The following TAFA5 variants were observed in gnomAD, a reference collection of about 807,000 sequenced individuals.
The protein encoded by TAFA5 is chemokine-like protein TAFA-5.
In TAFA5, 6 loss-of-function variants were observed where a neutral mutation model predicts 15.3. That is an observed-to-expected ratio of 0.39 (90% CI 0.21 to 0.77). The LOEUF is 0.77. TAFA5 is among the 30% of genes least tolerant of loss of function. The pLI is 0.41. For missense variants in TAFA5, 161 were observed against 193.1 expected, an observed-to-expected ratio of 0.83 and a Z score of 0.98; for synonymous variants, 103 against 80.7, an observed-to-expected ratio of 1.28 and a Z score of -1.48.
At chr22:48,625,086 G>A (rs1163261004) in intron 1 of TAFA5, among the ~76,000 whole-genome samples, 1 of 151,362 alleles carries the variant, frequency 6.6e-6, no homozygotes, top group Non-Finnish European at 1.5e-5. Context: ...CTGCACTCCA[G>A]CCTGGGAAAT....
chr22:48,565,124 C>G (rs375256757), intron 1 of TAFA5, among the ~76,000 whole-genome samples: 2 of 152,202 alleles, frequency 1.3e-5, no homozygotes, highest in Non-Finnish European at 2.9e-5. Context: ...GCCATGGTCA[C>G]GGCAGGCGGG....
intron 2 of TAFA5, among the ~76,000 whole-genome samples, chr22:48,700,732 C>T (rs899710964): frequency 2.0e-5 from 3 of 152,198 alleles, no homozygotes; most frequent in Admixed American, 1.3e-4. Flanking sequence ...TGTCTGGCAG[C>T]TCTGAGATCA....
At chr22:48,549,874 T>G (rs1385395281) in intron 1 of TAFA5, among the ~76,000 whole-genome samples, 5 of 152,218 alleles carry the variant, frequency 3.3e-5, no homozygotes, top group Non-Finnish European at 7.3e-5. Flanking sequence ...CCGCTAGCAG[T>G]GCCAGACGCC....
intron 1 of TAFA5, among the ~76,000 whole-genome samples, chr22:48,638,684 C>A (rs1477481638): frequency 7.0e-6 from 1 of 143,796 alleles, no homozygotes; most frequent in Non-Finnish European, 1.5e-5. Flanking sequence ...CAATACCACC[C>A]CCCTGGACAC....
intron 1 of TAFA5, among the ~76,000 whole-genome samples, chr22:48,568,235 C>T (rs1396327714): frequency 1.3e-5 from 2 of 152,254 alleles, no homozygotes; most frequent in South Asian, 2.1e-4. Context: ...CCCTGGCCTG[C>T]GCCTCCATCT....
chr22:48,504,167 G>C, intron 1 of TAFA5, among the ~76,000 whole-genome samples: 1 of 152,172 alleles, frequency 6.6e-6, no homozygotes, highest in Non-Finnish European at 1.5e-5. Flanking sequence ...GGCCATCCAG[G>C]TGACACTCCC....
chr22:48,691,031 A>C (rs1414747769), intron 2 of TAFA5, among the ~76,000 whole-genome samples: 1 of 152,062 alleles, frequency 6.6e-6, no homozygotes, highest in African/African-American at 2.4e-5. Context: ...AGCGCCGTCA[A>C]TCTCCAGTGG....
intron 1 of TAFA5, among the ~76,000 whole-genome samples, chr22:48,575,660 G>GGC (rs1377569197): frequency 2.1e-5 from 3 of 146,148 alleles, no homozygotes; most frequent in Non-Finnish European, 4.6e-5. Context: ...GGGGCGCGGT[G>GGC]GGCCCGGACC....
chr22:48,542,829 G>T (rs1431141435), intron 1 of TAFA5, among the ~76,000 whole-genome samples: 1 of 146,632 alleles, frequency 6.8e-6, no homozygotes, highest in South Asian at 2.2e-4. Flanking sequence ...TGTGTGTGTG[G>T]TGTGTATGTG....
intron 1 of TAFA5, among the ~76,000 whole-genome samples, chr22:48,570,829 AG>A (rs67483506): frequency 0.19 from 29,102 of 152,242 alleles, 3,191 homozygotes; most frequent in Admixed American, 0.26. Context: ...TATAGCAGAA[AG>A]AAGATTTCTG....
intron 2 of TAFA5, among the ~76,000 whole-genome samples, chr22:48,680,127 C>T (rs1011741146): frequency 2.0e-5 from 3 of 152,220 alleles, no homozygotes; most frequent in Non-Finnish European, 4.4e-5. Flanking sequence ...ATGGTCCCCC[C>T]ACCCTGTGTG....
chr22:48,667,637 A>G (rs1927662460), intron 2 of TAFA5, among the ~76,000 whole-genome samples: 1 of 152,010 alleles, frequency 6.6e-6, no homozygotes, highest in Non-Finnish European at 1.5e-5. Context: ...GGTTAATTCA[A>G]TTTCTCTTAT....
intron 2 of TAFA5, among the ~76,000 whole-genome samples, chr22:48,678,106 G>C (rs1300877964): frequency 6.6e-6 from 1 of 152,152 alleles, no homozygotes; most frequent in Non-Finnish European, 1.5e-5. Context: ...CCAGTTCCCT[G>C]GTCCTCCTGA....
chr22:48,716,498 T>G (rs918661852), intron 3 of TAFA5, among the ~76,000 whole-genome samples: 26 of 152,100 alleles, frequency 1.7e-4, no homozygotes, highest in African/African-American at 5.8e-4. Context: ...GAGGGGAACA[T>G]CACACACCAG....
intron 2 of TAFA5, among the ~76,000 whole-genome samples, chr22:48,679,864 A>G (rs1048721635): frequency 2.6e-5 from 4 of 151,926 alleles, no homozygotes; most frequent in African/African-American, 9.7e-5. Context: ...CTGCCCAAGC[A>G]CTCTCAGGGT....
At chr22:48,707,516 G>T (rs1203096598) in intron 2 of TAFA5, among the ~76,000 whole-genome samples, 1 of 152,150 alleles carries the variant, frequency 6.6e-6, no homozygotes, top group Non-Finnish European at 1.5e-5. Context: ...GCGGGACTTG[G>T]GGAGCAAGCA....
At chr22:48,534,740 G>T (rs1350861664) in intron 1 of TAFA5, among the ~76,000 whole-genome samples, 2 of 152,192 alleles carry the variant, frequency 1.3e-5, no homozygotes, top group African/African-American at 2.4e-5. Context: ...GGAGGGGGAG[G>T]CCCGGCTCTC....
intron 2 of TAFA5, among the ~76,000 whole-genome samples, chr22:48,653,250 T>C (rs1267815050): frequency 6.6e-6 from 1 of 152,212 alleles, no homozygotes; most frequent in Non-Finnish European, 1.5e-5. Flanking sequence ...CAGATGGGGT[T>C]GGAGATGCCC....
chr22:48,610,665 G>C (rs1449561211), intron 1 of TAFA5, among the ~76,000 whole-genome samples: 1 of 151,780 alleles, frequency 6.6e-6, no homozygotes, highest in East Asian at 1.9e-4. Flanking sequence ...TGAGCTGTCA[G>C]CGTTGGGCCG....
Sources: allele counts gnomAD v4.1 joint callset (sites outside exome capture counted in the v4.1 genomes callset), GRCh38; gene constraint gnomAD v4.1.1; transcripts MANE v1.5; gene names NCBI Gene and HGNC (gene_info 2026-07-23, HGNC 2026-07-21).